Variants in GALNT13 observed in about 807,000 individuals in gnomAD.
The protein encoded by GALNT13 is UDP-GalNAc:polypeptide N-acetylgalactosaminyltransferase 13.
A neutral mutation model predicts 64.2 loss-of-function variants in GALNT13; 28 were observed. The observed-to-expected ratio is 0.44, with a 90% CI of 0.32 to 0.60. GALNT13 has a LOEUF of 0.60. Among genes scored for constraint, GALNT13 ranks in the 20% least tolerant of loss-of-function variants. The probability of loss-of-function intolerance (pLI) is 0.05; values close to 1 mark genes in which losing one functional copy is unlikely to be tolerated. For missense variants in GALNT13, 577 were observed against 669.8 expected (o/e 0.86, Z 1.53); for synonymous variants, 214 against 224.6 (o/e 0.95, Z 0.42).
Position 154,308,443 on chromosome 2 carries a change from CA to C in GALNT13, c.1156+6856del, listed in dbSNP as rs201752102. ...TGACATGCTGATATTTTGAAAAATACAATATTTAATAACCAGCTCTTTGAAT... is the reference window on the plus strand; with the variant it reads ...TGACATGCTGATATTTTGAAAAATACATATTTAATAACCAGCTCTTTGAAT... On this transcript the variant is annotated intron_variant, in intron 9 of 12. Coordinates refer to ENST00000392825, the MANE Select transcript of GALNT13 (RefSeq NM_052917.4). Among the ~76,000 whole-genome samples, 716 of 152,180 alleles carry C rather than the reference CA, an allele frequency of 4.7e-3. 3 individuals are homozygous for C. The highest frequency in any genetic ancestry group is 0.017 in the African/African-American group (693 of 41,530).
At chr2:154,047,127 A>G (rs185865736) in intron 3 of GALNT13, among the ~76,000 whole-genome samples, 1 of 152,180 alleles carries the variant, frequency 6.6e-6, no homozygotes, top group East Asian at 1.9e-4. Context: ...TTATACCAAA[A>G]CTAAGTGCTT....
At chr2:153,871,578 G>C (rs887828335), upstream of GALNT13, among the ~76,000 whole-genome samples, 3 of 152,190 alleles carry the variant, frequency 2.0e-5, no homozygotes, top group Non-Finnish European at 4.4e-5. Flanking sequence ...CTTTGGCGTT[G>C]TGGGGCCCCA....
chr2:153,903,393 G>A (rs544316485), intron 2 of GALNT13, among the ~76,000 whole-genome samples: 1 of 152,114 alleles, frequency 6.6e-6, no homozygotes, highest in African/African-American at 2.4e-5. Context: ...TAATGTAAAA[G>A]TAATTGCATT....
chr2:153,345,165 TCA>T, the GALNT13 span, among the ~76,000 whole-genome samples: 1 of 152,248 alleles, frequency 6.6e-6, no homozygotes, highest in Non-Finnish European at 1.5e-5. Flanking sequence ...CTTGCTTTTT[TCA>T]CACTAGGTAT....
chr2:153,551,930 T>C, the GALNT13 span, among the ~76,000 whole-genome samples: 1 of 152,130 alleles, frequency 6.6e-6, no homozygotes, highest in Admixed American at 6.6e-5. Flanking sequence ...AACTGAGCCC[T>C]GGGACTGCAC....
the GALNT13 span, among the ~76,000 whole-genome samples, chr2:153,654,350 T>C: frequency 1.3e-5 from 2 of 152,038 alleles, no homozygotes; most frequent in African/African-American, 4.8e-5. Flanking sequence ...TATAGAAAAA[T>C]TGTATCATGG....
At chr2:153,611,815 C>T in the GALNT13 span, among the ~76,000 whole-genome samples, 8 of 150,478 alleles carry the variant, frequency 5.3e-5, no homozygotes, top group East Asian at 1.4e-3. Flanking sequence ...GTTTTAAGCC[C>T]TGCACGTATT....
chr2:154,148,474 A>G (rs1377432921), intron 4 of GALNT13, among the ~76,000 whole-genome samples: 2 of 152,120 alleles, frequency 1.3e-5, no homozygotes, highest in Non-Finnish European at 2.9e-5. Flanking sequence ...TGGTATTTCT[A>G]GTTCTAGATC....
chr2:154,161,432 G>T (rs1018075307), intron 4 of GALNT13, among the ~76,000 whole-genome samples: 2 of 152,122 alleles, frequency 1.3e-5, no homozygotes, highest in Admixed American at 1.3e-4. Flanking sequence ...TTCAGAATTG[G>T]TATGCATTGT....
chr2:154,052,761 G>A (rs1369049701), intron 3 of GALNT13, among the ~76,000 whole-genome samples: 1 of 147,922 alleles, frequency 6.8e-6, no homozygotes, highest in Non-Finnish European at 1.5e-5. Flanking sequence ...TTTTGAGACG[G>A]AGTCTCGCTG....
the GALNT13 span, among the ~76,000 whole-genome samples, chr2:153,350,618 G>A: frequency 6.6e-6 from 1 of 151,886 alleles, no homozygotes. Context: ...CCTGACTTCA[G>A]GTGATCCACC....
intron 3 of GALNT13, among the ~76,000 whole-genome samples, chr2:153,989,747 CT>C (rs1304820584): frequency 5.9e-5 from 9 of 151,968 alleles, no homozygotes; most frequent in Admixed American, 3.9e-4. Flanking sequence ...CCTTTTCCTG[CT>C]CTCATATGTC....
the GALNT13 span, among the ~76,000 whole-genome samples, chr2:153,671,200 A>C: frequency 1.3e-5 from 2 of 152,166 alleles, no homozygotes; most frequent in Non-Finnish European, 2.9e-5. Context: ...AATACAGAGA[A>C]CACCACAAAG....
At chr2:153,397,917 T>A in the GALNT13 span, among the ~76,000 whole-genome samples, 1 of 152,064 alleles carries the variant, frequency 6.6e-6, no homozygotes, top group Non-Finnish European at 1.5e-5. Context: ...ACAGATTTTT[T>A]TTAATTTATT....
At chr2:154,325,530 C>A (rs964981241) in intron 9 of GALNT13, among the ~76,000 whole-genome samples, 25 of 152,152 alleles carry the variant, frequency 1.6e-4, no homozygotes, top group Non-Finnish European at 2.1e-4. Context: ...TGTACTTGTA[C>A]TTTTTACTTA....
chr2:154,348,759 A>G (rs1358968000), intron 9 of GALNT13, among the ~76,000 whole-genome samples: 1 of 152,006 alleles, frequency 6.6e-6, no homozygotes, highest in African/African-American at 2.4e-5. Context: ...TGTCACTGTT[A>G]TTCTACAAGG....
In GALNT13 at chr2:154,118,318, A is replaced by AT. The variant is rs34962261; in HGVS notation, c.143-22009dup. 6.6e-4 allele frequency among the ~76,000 whole-genome samples: 88 copies of AT among 134,076 alleles called. No individual in the cohort carries two copies. In the Middle Eastern group the frequency reaches 0.013, roughly 20 times the overall value. 88.0% of individuals were successfully genotyped at this position (134,076 alleles called of 152,430 possible). ...TTTTACAATTTTTTACTTAAAGTCTATTTTTTTTTTAAGTATAACTATGCT... is the reference window on the plus strand; with the variant it reads ...TTTTACAATTTTTTACTTAAAGTCTATTTTTTTTTTTAAGTATAACTATGCT... On this transcript the variant is annotated intron_variant, in intron 3 of 12. Transcript: ENST00000392825.
At chr2:154,326,902 A>G (rs1388673377) in intron 9 of GALNT13, among the ~76,000 whole-genome samples, 2 of 152,072 alleles carry the variant, frequency 1.3e-5, no homozygotes, top group Non-Finnish European at 2.9e-5. Flanking sequence ...ACATTTTACA[A>G]CTAAGTCATT....
the GALNT13 span, among the ~76,000 whole-genome samples, chr2:153,824,341 G>A: frequency 6.6e-6 from 1 of 151,976 alleles, no homozygotes. Context: ...CTTAAAAGAG[G>A]ACTATTATTT....
Sources: gnomAD v4.1 joint callset for allele counts (sites outside exome capture counted in the v4.1 genomes callset) on GRCh38, gnomAD v4.1.1 for gene constraint, MANE v1.5 for transcripts, NCBI Gene and HGNC (gene_info 2026-07-23, HGNC 2026-07-21) for gene names.